Variants in VGLL1 observed in about 807,000 individuals in gnomAD.
The protein encoded by VGLL1 is transcription cofactor vestigial-like protein 1.
VGLL1 carries 4 observed loss-of-function variants against 12.0 expected under a neutral mutation model. That is an observed-to-expected ratio of 0.33 (90% CI 0.16 to 0.76). The LOEUF is 0.76. VGLL1 is among the 30% of genes least tolerant of loss of function. The pLI, the probability that VGLL1 is intolerant of heterozygous loss-of-function variation, is 0.60. For synonymous variants in VGLL1, 87 were observed against 81.2 expected, an observed-to-expected ratio of 1.07 and a Z score of -0.39; for missense variants, 204 against 208.7, an observed-to-expected ratio of 0.98 and a Z score of 0.14.
chrX:136,532,647 TTC>T (rs751331885), intron 1 of VGLL1, among the ~76,000 whole-genome samples: 22 of 74,385 alleles, frequency 3.0e-4, no homozygotes, highest in Admixed American at 4.7e-4. Context: ...CTTTCTTTCT[TTC>T]TTTCTTTCTT....
intron 4 of VGLL1, among the ~76,000 whole-genome samples, chrX:136,552,600 T>C: frequency 8.9e-6 from 1 of 112,114 alleles, no homozygotes. Flanking sequence ...ACCATGACCT[T>C]GTGAGGTGTA....
At chrX:136,551,454 A>G (rs2075886073) in intron 4 of VGLL1, among the ~76,000 whole-genome samples, 1 of 111,574 alleles carries the variant, frequency 9.0e-6, no homozygotes, top group Admixed American at 9.5e-5. Context: ...TGTCAGTGGG[A>G]ACTTACAAAA....
intron 2 of VGLL1, among the ~76,000 whole-genome samples, chrX:136,536,665 C>T (rs758910406): frequency 8.9e-6 from 1 of 112,328 alleles, no homozygotes; most frequent in African/African-American, 3.2e-5. Context: ...AACTCTCCTT[C>T]ACAGCCCTTG....
intron 2 of VGLL1, among the ~76,000 whole-genome samples, chrX:136,542,831 G>A (rs1003901619): frequency 9.0e-6 from 1 of 111,532 alleles, no homozygotes; most frequent in African/African-American, 3.3e-5. Context: ...CCCAGCAAGA[G>A]GATTTAATAC....
chrX:136,549,404 C>G (rs755437473), intron 3 of VGLL1, among the ~76,000 whole-genome samples: 2 of 111,607 alleles, frequency 1.8e-5, no homozygotes, highest in East Asian at 5.7e-4. Context: ...AGCCTCTAAA[C>G]AGGTTGGCAA....
At chrX:136,551,106 A>T (rs759680056) in intron 4 of VGLL1, 1 of 269,195 alleles carries the variant, frequency 3.7e-6, no homozygotes, top group East Asian at 7.4e-5. Context: ...TTTTTTTTTT[A>T]ACCTGAGTTT....
intron 2 of VGLL1, among the ~76,000 whole-genome samples, chrX:136,539,986 T>C (rs1284878120): frequency 9.0e-6 from 1 of 111,529 alleles, no homozygotes; most frequent in African/African-American, 3.3e-5. Flanking sequence ...TTTTGGAAAT[T>C]GTGTAGGTTC....
intron 2 of VGLL1, among the ~76,000 whole-genome samples, chrX:136,539,231 T>C (rs2075849240): frequency 8.9e-6 from 1 of 112,180 alleles, no homozygotes; most frequent in Admixed American, 9.4e-5. Context: ...ACTTGCCTGG[T>C]AAAACCCAAG....
chrX:136,540,660 T>A (rs1290589175), intron 2 of VGLL1, among the ~76,000 whole-genome samples: 1 of 112,175 alleles, frequency 8.9e-6, no homozygotes, highest in Non-Finnish European at 1.9e-5. Context: ...CTGAGCTCCG[T>A]GGCAGTAGGG....
intron 2 of VGLL1, among the ~76,000 whole-genome samples, chrX:136,536,774 C>T (rs1296916188): frequency 8.9e-6 from 1 of 112,169 alleles, no homozygotes; most frequent in Non-Finnish European, 1.9e-5. Context: ...GCTGATTTTG[C>T]TTAATATTGT....
At chrX:136,534,870 T>G (rs193196976) in intron 1 of VGLL1, among the ~76,000 whole-genome samples, 35 of 112,029 alleles carry the variant, frequency 3.1e-4, no homozygotes, top group African/African-American at 1.1e-3. Flanking sequence ...TGCTAGGTGC[T>G]AGGAATAAAG....
chrX:136,547,284 G>GT (rs1439220193), intron 2 of VGLL1, among the ~76,000 whole-genome samples: 1 of 112,237 alleles, frequency 8.9e-6, no homozygotes, highest in Non-Finnish European at 1.9e-5. Context: ...CTGAGTGGGT[G>GT]TTGAGAATGG....
At chrX:136,549,310 G>T (rs2075879017) in intron 3 of VGLL1, among the ~76,000 whole-genome samples, 1 of 111,303 alleles carries the variant, frequency 9.0e-6, no homozygotes, top group African/African-American at 3.3e-5. Flanking sequence ...AATATCGCAG[G>T]GTCCTGTGTT....
chrX:136,538,338 TAA>T, intron 2 of VGLL1, among the ~76,000 whole-genome samples: 2 of 112,645 alleles, frequency 1.8e-5, no homozygotes. Flanking sequence ...GTTCATGTTT[TAA>T]ATATATTCAG....
chrX:136,532,578 T>C (rs1364909203), intron 1 of VGLL1, among the ~76,000 whole-genome samples: 1 of 5,722 alleles, frequency 1.7e-4, no homozygotes, highest in African/African-American at 6.9e-4. Flanking sequence ...CAAATATTTC[T>C]TTCTTTCTTT....
chrX:136,548,025 G>A (rs760302234), intron 2 of VGLL1, among the ~76,000 whole-genome samples: 1 of 108,818 alleles, frequency 9.2e-6, no homozygotes, highest in African/African-American at 3.4e-5. Context: ...CTTTCTTACC[G>A]AGTCTCACTC....
intron 2 of VGLL1, among the ~76,000 whole-genome samples, chrX:136,543,056 T>G: frequency 9.0e-6 from 1 of 110,663 alleles, no homozygotes; most frequent in East Asian, 2.8e-4. Context: ...ATATGGGGAG[T>G]CTATAGTATT....
intron 4 of VGLL1, among the ~76,000 whole-genome samples, chrX:136,555,525 G>A (rs2075898751): frequency 9.0e-6 from 1 of 111,496 alleles, no homozygotes; most frequent in Admixed American, 9.5e-5. Context: ...GAGGATGAAG[G>A]TAACTTGAGG....
intron 4 of VGLL1, among the ~76,000 whole-genome samples, chrX:136,554,368 GT>G (rs1696547904): frequency 9.2e-6 from 1 of 108,517 alleles, no homozygotes; most frequent in Admixed American, 9.8e-5. Context: ...CGAGATGTGT[GT>G]GAAGAATGGA....
Sources: allele counts gnomAD v4.1 joint callset (sites outside exome capture counted in the v4.1 genomes callset), GRCh38; gene constraint gnomAD v4.1.1; transcripts MANE v1.5; gene names NCBI Gene and HGNC (gene_info 2026-07-23, HGNC 2026-07-21).